FAM110B: variants seen among roughly 807,000 people sequenced by gnomAD.
FAM110B encodes the protein family with sequence similarity 110 member B.
A neutral mutation model predicts 20.4 loss-of-function variants in FAM110B; 6 were observed. The ratio of observed to expected loss-of-function variants is 0.29; its 90% CI spans 0.16 to 0.58. The LOEUF (loss-of-function observed/expected upper bound fraction) is 0.58. Among genes scored for constraint, FAM110B ranks in the 20% least tolerant of loss-of-function variants. The pLI, the probability that FAM110B is intolerant of heterozygous loss-of-function variation, is 0.90. For synonymous variants in FAM110B, 226 were observed against 214.1 expected, an observed-to-expected ratio of 1.06 and a Z score of -0.49; for missense variants, 434 against 498.2, an observed-to-expected ratio of 0.87 and a Z score of 1.23.
chr8:58,075,768 AAAAAT>A (rs904689892), intron 3 of FAM110B, 145 bp downstream of exon 3: 9 of 152,266 alleles, frequency 5.9e-5, no homozygotes, highest in Non-Finnish European at 1.0e-4. Context: ...TAAATATTTA[AAAAAT>A]AAAATAAAAT....
At chr8:58,045,544 T>A (rs1390770772) in intron 2 of FAM110B, among the ~76,000 whole-genome samples, 1 of 152,152 alleles carries the variant, frequency 6.6e-6, no homozygotes, top group Admixed American at 6.5e-5. Context: ...CTTTTAATAT[T>A]GTACTTATTT....
chr8:58,082,326 C>T (rs1159186673), intron 3 of FAM110B, among the ~76,000 whole-genome samples: 4 of 152,182 alleles, frequency 2.6e-5, no homozygotes, highest in Non-Finnish European at 4.4e-5. Context: ...AAAATAACTG[C>T]ATCTCCTCTA....
intron 2 of FAM110B, among the ~76,000 whole-genome samples, chr8:58,049,086 C>T (rs1256345836): frequency 2.0e-5 from 3 of 152,112 alleles, no homozygotes; most frequent in Non-Finnish European, 2.9e-5. Flanking sequence ...ACTCTGCCAT[C>T]TCAAGAATAC....
intron 1 of FAM110B, among the ~76,000 whole-genome samples, chr8:58,013,947 C>G (rs1353495276): frequency 6.6e-6 from 1 of 152,148 alleles, no homozygotes; most frequent in Non-Finnish European, 1.5e-5. Context: ...ATGCCTGTCA[C>G]TGTGCTGTGA....
chr8:58,101,843 C>T (rs1806787155), intron 3 of FAM110B, among the ~76,000 whole-genome samples: 1 of 152,102 alleles, frequency 6.6e-6, no homozygotes, highest in Non-Finnish European at 1.5e-5. Context: ...TCTGAAGCTA[C>T]AAGTACAGCC....
intron 3 of FAM110B, among the ~76,000 whole-genome samples, chr8:58,132,920 C>T (rs1295309245): frequency 2.0e-5 from 3 of 152,062 alleles, no homozygotes; most frequent in African/African-American, 7.2e-5. Flanking sequence ...CCCTTTTTCA[C>T]TTTGGGGAGT....
chr8:58,118,258 A>G (rs1029573112), intron 3 of FAM110B, among the ~76,000 whole-genome samples: 18 of 152,182 alleles, frequency 1.2e-4, no homozygotes, highest in African/African-American at 3.9e-4. Context: ...TTGAATGAGC[A>G]TGGTCTGTCC....
chr8:58,145,209 AT>A (rs1288441999), intron 3 of FAM110B, among the ~76,000 whole-genome samples: 4 of 152,196 alleles, frequency 2.6e-5, no homozygotes, highest in Non-Finnish European at 5.9e-5. Context: ...TTAAAAAAAA[AT>A]AAGCTTGTGT....
chr8:58,046,625 C>T (rs538603783), intron 2 of FAM110B, among the ~76,000 whole-genome samples: 12 of 152,324 alleles, frequency 7.9e-5, no homozygotes, highest in African/African-American at 2.6e-4. Context: ...GCTGGGGCAA[C>T]CTTTGAAACT....
chr8:58,092,689 G>A (rs1333673476), intron 3 of FAM110B, among the ~76,000 whole-genome samples: 3 of 152,020 alleles, frequency 2.0e-5, no homozygotes, highest in Non-Finnish European at 2.9e-5. Flanking sequence ...TATTGTGAAC[G>A]TGGTTGCAAC....
At chr8:58,052,309 C>A (rs1337641297) in intron 2 of FAM110B, among the ~76,000 whole-genome samples, 1 of 152,050 alleles carries the variant, frequency 6.6e-6, no homozygotes, top group African/African-American at 2.4e-5. Flanking sequence ...TGTGACTCAA[C>A]AAAGTTCTGA....
At chr8:58,069,529 A>G (rs532208928) in intron 2 of FAM110B, among the ~76,000 whole-genome samples, 11 of 152,304 alleles carry the variant, frequency 7.2e-5, no homozygotes, top group African/African-American at 2.6e-4. Context: ...TCAGTTGTGT[A>G]GTGGCCAAAT....
At chr8:58,037,610 C>T (rs1213059555) in intron 2 of FAM110B, among the ~76,000 whole-genome samples, 1 of 151,930 alleles carries the variant, frequency 6.6e-6, no homozygotes, top group East Asian at 1.9e-4. Context: ...GCACTCCAGC[C>T]TGAGCGACAG....
At chr8:58,136,509 C>T (rs1408548268) in intron 3 of FAM110B, among the ~76,000 whole-genome samples, 1 of 152,132 alleles carries the variant, frequency 6.6e-6, no homozygotes, top group South Asian at 2.1e-4. Context: ...TTGGATAGGG[C>T]GGCATTCTTA....
chr8:58,068,157 G>C (rs1338694344), intron 2 of FAM110B, among the ~76,000 whole-genome samples: 2 of 152,176 alleles, frequency 1.3e-5, no homozygotes, highest in African/African-American at 2.4e-5. Context: ...CCTGTATCCT[G>C]GCAGCCTTCA....
intron 2 of FAM110B, among the ~76,000 whole-genome samples, chr8:58,050,837 A>C (rs1008947740): frequency 6.6e-6 from 1 of 152,188 alleles, no homozygotes; most frequent in Non-Finnish European, 1.5e-5. Flanking sequence ...CACAGGGCAT[A>C]CACCAGGGGG....
chr8:58,138,851 A>G (rs1459828883), intron 3 of FAM110B, among the ~76,000 whole-genome samples: 6 of 152,216 alleles, frequency 3.9e-5, no homozygotes, highest in African/African-American at 1.4e-4. Context: ...ACACCTCAGG[A>G]GCACCACTGG....
At chr8:58,079,961 C>G (rs1019693828) in intron 3 of FAM110B, among the ~76,000 whole-genome samples, 11 of 152,244 alleles carry the variant, frequency 7.2e-5, no homozygotes, top group Admixed American at 2.0e-4. Context: ...ACAGTTATGA[C>G]CATGGACTGT....
At chr8:58,019,098 A>T (rs935934429) in intron 1 of FAM110B, among the ~76,000 whole-genome samples, 9 of 152,128 alleles carry the variant, frequency 5.9e-5, no homozygotes, top group African/African-American at 2.2e-4. Flanking sequence ...GCACTTTGGG[A>T]GGCCAAGGTG....
Sources: allele counts gnomAD v4.1 joint callset (sites outside exome capture counted in the v4.1 genomes callset), GRCh38; gene constraint gnomAD v4.1.1; transcripts MANE v1.5; gene names NCBI Gene and HGNC (gene_info 2026-07-23, HGNC 2026-07-21).